Variants in FOCAD observed in about 807,000 individuals in gnomAD.
The protein encoded by FOCAD is focadhesin.
Under a neutral mutation model 225.6 loss-of-function variants are expected in FOCAD, and 198 were observed. The ratio of observed to expected loss-of-function variants is 0.88; its 90% CI spans 0.78 to 0.99. The LOEUF is 0.99. Among genes scored for constraint, FOCAD ranks in the 50% least tolerant of loss-of-function variants. FOCAD has a pLI of 0.00. For synonymous variants in FOCAD, 897 were observed against 755.0 expected, an observed-to-expected ratio of 1.19 and a Z score of -3.08; for missense variants, 2,713 against 2,123.6, an observed-to-expected ratio of 1.28 and a Z score of -5.46.
chr9:20,931,419 A>G (rs1258777110), intron 27 of FOCAD, among the ~76,000 whole-genome samples: 1 of 152,128 alleles, frequency 6.6e-6, no homozygotes, highest in Non-Finnish European at 1.5e-5. Context: ...CACCTTCCCA[A>G]TTTGTTGGAA....
At chr9:20,667,947 A>G (rs1821943140) in intron 2 of FOCAD, among the ~76,000 whole-genome samples, 1 of 152,204 alleles carries the variant, frequency 6.6e-6, no homozygotes, top group East Asian at 1.9e-4. Flanking sequence ...AGTTGATTAT[A>G]GATGCCACTA....
chr9:20,743,485 A>G (rs1193900216), intron 5 of FOCAD, among the ~76,000 whole-genome samples: 1 of 152,198 alleles, frequency 6.6e-6, no homozygotes, highest in Admixed American at 6.5e-5. Flanking sequence ...TTGTACCAGT[A>G]TGGGAGTGGA....
intron 1 of FOCAD, among the ~76,000 whole-genome samples, chr9:20,688,746 G>C (rs1277095937): frequency 6.6e-6 from 1 of 152,112 alleles, no homozygotes; most frequent in African/African-American, 2.4e-5. Flanking sequence ...AGATAAGGAG[G>C]GAGAGAATCC....
intron 30 of FOCAD, among the ~76,000 whole-genome samples, 171 bp from the exon 31 acceptor site, chr9:20,948,099 TA>T (rs1248790899): frequency 7.1e-6 from 1 of 141,810 alleles, no homozygotes; most frequent in African/African-American, 2.5e-5. Context: ...CAGTCTAGAT[TA>T]AAAAAAAACA....
intron 36 of FOCAD, among the ~76,000 whole-genome samples, chr9:20,977,750 T>C (rs1017064323): frequency 1.3e-5 from 2 of 152,224 alleles, no homozygotes; most frequent in African/African-American, 2.4e-5. Flanking sequence ...AAACCTAATC[T>C]CTATATAAGA....
intron 4 of FOCAD, among the ~76,000 whole-genome samples, chr9:20,734,765 C>T (rs1366031320): frequency 6.6e-6 from 1 of 152,066 alleles, no homozygotes; most frequent in Non-Finnish European, 1.5e-5. Flanking sequence ...CCACCTCGGT[C>T]CCCCAAGTAG....
chr9:20,946,933 T>C, intron 30 of FOCAD, 113 bp downstream of exon 30: 3 of 1,322,266 alleles, frequency 2.3e-6, no homozygotes, highest in Middle Eastern at 1.9e-4. Flanking sequence ...TGTCTAGAAC[T>C]GAGGAACTTC....
intron 24 of FOCAD, among the ~76,000 whole-genome samples, chr9:20,920,927 A>G (rs1249155226): frequency 1.3e-5 from 2 of 151,652 alleles, no homozygotes; most frequent in Non-Finnish European, 2.9e-5. Context: ...ACTAACCTGC[A>G]CATTGTGCAC....
At chr9:20,801,293 C>G (rs1821804433) in intron 11 of FOCAD, among the ~76,000 whole-genome samples, 1 of 152,120 alleles carries the variant, frequency 6.6e-6, no homozygotes, top group African/African-American at 2.4e-5. Flanking sequence ...GTCAAATTTA[C>G]AAGCAATGCC....
At position 20,812,849 on chromosome 9, in the gene FOCAD, C is replaced by T. The variant is rs144643241; in HGVS notation, c.1456-6947C>T. ...AAGATATCTTCTGACTCTTAAAAAACAATCCCAGGATTTTTTGTGTATGGT... is the reference window on the plus strand; with the variant it reads ...AAGATATCTTCTGACTCTTAAAAAATAATCCCAGGATTTTTTGTGTATGGT... On this transcript the variant is annotated intron_variant, in intron 11 of 43. Coordinates refer to ENST00000338382, the MANE Select transcript of FOCAD (RefSeq NM_001375567.1). 3.9e-4 allele frequency among the ~76,000 whole-genome samples: 60 copies of T among 152,228 alleles called. No homozygotes were observed. In the East Asian group the frequency reaches 9.4e-3, roughly 24 times the overall value.
chr9:20,765,413 GA>G (rs1359125652), intron 7 of FOCAD, among the ~76,000 whole-genome samples: 1 of 150,086 alleles, frequency 6.7e-6, no homozygotes, highest in Admixed American at 6.6e-5. Flanking sequence ...CAGTAACAAG[GA>G]AAAAAAAGAC....
At chr9:20,708,801 G>A (rs929248238) in intron 1 of FOCAD, among the ~76,000 whole-genome samples, 13 of 151,632 alleles carry the variant, frequency 8.6e-5, no homozygotes, top group Non-Finnish European at 1.2e-4. Flanking sequence ...AAAAAATTCT[G>A]TTTAGCCCTG....
intron 28 of FOCAD, among the ~76,000 whole-genome samples, chr9:20,938,293 C>A (rs550356146): frequency 3.9e-5 from 6 of 152,020 alleles, no homozygotes; most frequent in African/African-American, 1.4e-4. Flanking sequence ...ATGTTTATTG[C>A]GGCACTATTC....
intron 35 of FOCAD, among the ~76,000 whole-genome samples, chr9:20,954,925 G>A (rs796722213): frequency 5.3e-5 from 8 of 152,302 alleles, no homozygotes; most frequent in African/African-American, 1.9e-4. Context: ...CTGCTCTGTG[G>A]GGCTAAATGG....
At chr9:20,725,664 C>T (rs1464965018) in intron 4 of FOCAD, among the ~76,000 whole-genome samples, 2 of 152,220 alleles carry the variant, frequency 1.3e-5, no homozygotes, top group South Asian at 2.1e-4. Flanking sequence ...TATGGAAGCC[C>T]GCCTCCCACC....
At chr9:20,855,616 A>C (rs543433923) in intron 15 of FOCAD, among the ~76,000 whole-genome samples, 3 of 151,724 alleles carry the variant, frequency 2.0e-5, no homozygotes, top group African/African-American at 7.2e-5. Flanking sequence ...TTTCAATTAT[A>C]GTCTCTTAGT....
At chr9:20,708,492 G>A (rs771256372) in intron 1 of FOCAD, among the ~76,000 whole-genome samples, 12 of 152,146 alleles carry the variant, frequency 7.9e-5, no homozygotes, top group Non-Finnish European at 1.6e-4. Context: ...TGGGCTGGAT[G>A]TGGTGGCTCA....
In FOCAD at chr9:20,724,099, G is replaced by T. The variant is rs374290127; in HGVS notation, c.287+3565G>T. Reference sequence around the variant, plus strand: ...ATCATTCATAAGGGATCTGCCTCCCGTAATTCATTCACCCCCTACCAGGCC... The same window carrying T: ...ATCATTCATAAGGGATCTGCCTCCCTTAATTCATTCACCCCCTACCAGGCC... On this transcript the variant is annotated intron_variant, in intron 4 of 43. Transcript: ENST00000338382. Among the ~76,000 whole-genome samples, 4 of 152,234 alleles carry T rather than the reference G, an allele frequency of 2.6e-5. No individual in the cohort carries two copies. In the East Asian group the frequency reaches 5.8e-4, roughly 22 times the overall value.
intron 1 of FOCAD, among the ~76,000 whole-genome samples, chr9:20,690,906 A>ATTTT (rs34441239): frequency 5.2e-4 from 73 of 141,314 alleles, no homozygotes; most frequent in South Asian, 9.0e-4. Flanking sequence ...ACCTGTCAGC[A>ATTTT]TTTTTTTTTT....
Sources: allele counts gnomAD v4.1 joint callset (sites outside exome capture counted in the v4.1 genomes callset), GRCh38; gene constraint gnomAD v4.1.1; transcripts MANE v1.5; gene names NCBI Gene and HGNC (gene_info 2026-07-23, HGNC 2026-07-21).